Variants in PTPRD observed in about 807,000 individuals in gnomAD.
PTPRD encodes protein tyrosine phosphatase receptor type D.
PTPRD carries 34 observed loss-of-function variants against 214.5 expected under a neutral mutation model. The ratio of observed to expected loss-of-function variants is 0.16; its 90% CI spans 0.12 to 0.21. The LOEUF (loss-of-function observed/expected upper bound fraction) is 0.21. PTPRD is among the 10% of genes least tolerant of loss of function. The pLI, the probability that PTPRD is intolerant of heterozygous loss-of-function variation, is 1.00. For synonymous variants in PTPRD, 1,128 were observed against 845.7 expected, an observed-to-expected ratio of 1.33 and a Z score of -5.79; for missense variants, 2,545 against 2,398.7, an observed-to-expected ratio of 1.06 and a Z score of -1.27.
chr9:8,660,517 T>G (rs2097019449), intron 12 of PTPRD, among the ~76,000 whole-genome samples: 1 of 152,138 alleles, frequency 6.6e-6, no homozygotes, highest in South Asian at 2.1e-4. Context: ...TCTGCTTTAT[T>G]GGTTACTGAT....
chr9:9,954,564 A>G (rs547456416), intron 4 of PTPRD, among the ~76,000 whole-genome samples: 1,370 of 83,422 alleles, frequency 0.016, 20 homozygotes, highest in African/African-American at 0.04. Context: ...AATAATGCAG[A>G]AATAGAAAAT....
Position 10,112,346 on chromosome 9 carries a change from C to G in PTPRD, c.-544-78556G>C, listed in dbSNP as rs183704629. Among the ~76,000 whole-genome samples the G allele has an allele frequency of 3.3e-4, 50 of 152,276 alleles. No homozygotes were observed. The East Asian group carries it at 7.3e-3, about 22-fold the overall frequency. ...ATAGGAGGCTCATTAGTGACAGATA[C>G]TCTGTGTTTGCCTTGCCAAAAACAA... On this transcript the variant is annotated intron_variant, in intron 3 of 45. Coordinates refer to ENST00000381196, the MANE Select transcript of PTPRD (RefSeq NM_002839.4).
At chr9:9,198,432 A>C (rs889193856) in intron 9 of PTPRD, among the ~76,000 whole-genome samples, 4 of 151,812 alleles carry the variant, frequency 2.6e-5, no homozygotes, top group African/African-American at 9.7e-5. Context: ...TTATTCATTT[A>C]CTTAACATGG....
chr9:9,601,142 T>C, intron 7 of PTPRD, among the ~76,000 whole-genome samples: 1 of 117,304 alleles, frequency 8.5e-6, no homozygotes, highest in South Asian at 3.0e-4. Flanking sequence ...TGTGTGTGTG[T>C]GTGTGTGTAT....
intron 11 of PTPRD, among the ~76,000 whole-genome samples, chr9:8,955,532 C>G (rs2099126613): frequency 6.6e-6 from 1 of 151,808 alleles, no homozygotes; most frequent in African/African-American, 2.4e-5. Context: ...CCTGAGTTCC[C>G]TCTATGGTGT....
chr9:10,305,511 A>C (rs2096031977), intron 3 of PTPRD, among the ~76,000 whole-genome samples: 2 of 152,086 alleles, frequency 1.3e-5, no homozygotes, highest in African/African-American at 2.4e-5. Context: ...AAATTTTGGC[A>C]GTCTATCCAT....
intron 2 of PTPRD, among the ~76,000 whole-genome samples, chr9:10,396,417 T>G (rs2098171682): frequency 6.6e-6 from 1 of 151,978 alleles, no homozygotes; most frequent in Non-Finnish European, 1.5e-5. Flanking sequence ...ACTCAAACTG[T>G]TGGGAAGGGT....
intron 21 of PTPRD, among the ~76,000 whole-genome samples, chr9:8,515,160 A>C (rs1212146258): frequency 1.3e-5 from 2 of 152,186 alleles, no homozygotes; most frequent in African/African-American, 4.8e-5. Context: ...CCTGGATTTA[A>C]ATTCTGCTTT....
intron 5 of PTPRD, among the ~76,000 whole-genome samples, chr9:9,872,707 G>A (rs1013387705): frequency 3.3e-5 from 5 of 152,110 alleles, no homozygotes; most frequent in African/African-American, 1.2e-4. Flanking sequence ...TACCTTGAAT[G>A]TATACATTAA....
At chr9:9,642,956 T>G (rs1303870071) in intron 7 of PTPRD, among the ~76,000 whole-genome samples, 2 of 152,202 alleles carry the variant, frequency 1.3e-5, no homozygotes, top group East Asian at 3.8e-4. Context: ...TTAAACAGAA[T>G]ACCTTCAACT....
At chr9:8,575,937 G>C (rs1594286734) in intron 14 of PTPRD, among the ~76,000 whole-genome samples, 1 of 152,174 alleles carries the variant, frequency 6.6e-6, no homozygotes. Context: ...TGCTATACAG[G>C]AGATGTACTA....
At chr9:8,943,574 A>ATTT (rs903130020) in intron 11 of PTPRD, among the ~76,000 whole-genome samples, 7 of 145,832 alleles carry the variant, frequency 4.8e-5, no homozygotes, top group African/African-American at 1.7e-4. Context: ...AATTTTATTT[A>ATTT]TTTTATTTAT....
intron 3 of PTPRD, among the ~76,000 whole-genome samples, chr9:10,207,292 T>A (rs12344999): frequency 0.091 from 13,879 of 152,168 alleles, 742 homozygotes; most frequent in African/African-American, 0.14. Context: ...TAATTCAGCA[T>A]AACATTTTTG....
At chr9:9,347,286 T>C (rs1029265178) in intron 9 of PTPRD, among the ~76,000 whole-genome samples, 11 of 151,084 alleles carry the variant, frequency 7.3e-5, no homozygotes, top group Middle Eastern at 3.5e-3. Flanking sequence ...ATACTTTCTA[T>C]ACTTCAGAGG....
At chr9:9,103,487 T>C (rs1291390651) in intron 10 of PTPRD, among the ~76,000 whole-genome samples, 3 of 152,194 alleles carry the variant, frequency 2.0e-5, no homozygotes, top group African/African-American at 4.8e-5. Flanking sequence ...TTATATATGT[T>C]AAATGAGAAT....
intron 44 of PTPRD, 151 bp downstream of exon 44, chr9:8,331,431 T>C: frequency 1.1e-6 from 1 of 951,790 alleles, no homozygotes; most frequent in Non-Finnish European, 1.5e-6. Flanking sequence ...TTTCACTTTA[T>C]GAAAAGAAAG....
At chr9:9,802,968 A>G (rs1284152686) in intron 5 of PTPRD, among the ~76,000 whole-genome samples, 1 of 151,978 alleles carries the variant, frequency 6.6e-6, no homozygotes, top group Non-Finnish European at 1.5e-5. Flanking sequence ...TGGTAAATTT[A>G]CTATTACTGA....
At chr9:8,970,561 G>T (rs2154331595) in intron 11 of PTPRD, among the ~76,000 whole-genome samples, 1 of 151,660 alleles carries the variant, frequency 6.6e-6, no homozygotes, top group East Asian at 1.9e-4. Flanking sequence ...AGCAAAAAGA[G>T]ACAAGGAAAC....
intron 2 of PTPRD, among the ~76,000 whole-genome samples, chr9:10,464,593 A>G (rs1046429467): frequency 6.6e-6 from 1 of 152,146 alleles, no homozygotes; most frequent in Non-Finnish European, 1.5e-5. Flanking sequence ...GTACACCCCT[A>G]TATCACAGAT....
Sources: gnomAD v4.1 joint callset for allele counts (sites outside exome capture counted in the v4.1 genomes callset) on GRCh38, gnomAD v4.1.1 for gene constraint, MANE v1.5 for transcripts, NCBI Gene and HGNC (gene_info 2026-07-23, HGNC 2026-07-21) for gene names.